CHD8: variants seen among roughly 807,000 people sequenced by gnomAD.
CHD8 encodes the protein ATP-dependent chromatin remodeler CHD8.
CHD8 carries 31 observed loss-of-function variants against 279.2 expected under a neutral mutation model. That is an observed-to-expected ratio of 0.11 (90% CI 0.08 to 0.15). The LOEUF (loss-of-function observed/expected upper bound fraction) is 0.15. Ranked by LOEUF, CHD8 falls within the 10% of genes least tolerant of loss-of-function variation. The pLI, the probability that CHD8 is intolerant of heterozygous loss-of-function variation, is 1.00. For synonymous variants in CHD8, 1,081 were observed against 1,139.6 expected, an observed-to-expected ratio of 0.95 and a Z score of 1.04; for missense variants, 2,146 against 3,230.5, an observed-to-expected ratio of 0.66 and a Z score of 8.14.
Position 21,386,135 on chromosome 14 carries a change from C to T in CHD8, c.7224G>A (p.Gly2408=). The T allele has an allele frequency of 6.4e-7, 1 of 1,552,772 alleles. No individual in the cohort carries two copies. Among genetic ancestry groups the T allele is most frequent in the African/African-American group, 1.4e-5 (1 of 73,176 alleles). ...TCTTGCTGCTCTCTGGTGCAATAGG[C>T]CCTGGCAAAACCCGGTTGAACACCG... ...TETVFNRVLP[G]PIAPESSKKR... The change falls in exon 38 of 38, where the codon GGG becomes GGA. Residue 2408 remains glycine (G), a synonymous_variant. Coordinates refer to ENST00000646647, the MANE Select transcript of CHD8 (RefSeq NM_001170629.2).
In CHD8 at chr14:21,393,765, C is replaced by T; in HGVS notation, c.6030G>A (p.Glu2010=). The change falls in exon 32 of 38, where the codon GAG becomes GAA. Residue 2010 remains glutamate, a synonymous_variant. Transcript: ENST00000646647. ...GACTGGGGACCTGGGTAGCTGTCTC[C>T]TCGGGTGACTTTTCAACAGGAGCAT... The part of the protein sequence containing the change: ...RPDAPVEKSP[E]ETATQVPSLE... 1.2e-6 allele frequency: 2 copies of T among 1,613,924 alleles called. No individual in the cohort carries two copies. Among genetic ancestry groups the T allele is most frequent in the Non-Finnish European group, 1.7e-6 (2 of 1,179,866 alleles).
intron 4 of CHD8, 43 bp from the exon 5 acceptor site, chr14:21,426,285 A>T: frequency 4.0e-6 from 4 of 1,010,384 alleles, no homozygotes; most frequent in Non-Finnish European, 6.0e-6. Context: ...AAAGCAAAGA[A>T]AATTTAGGAG....
chr14:21,408,704 C>G lies in CHD8; in HGVS notation c.2486G>C (p.Arg829Thr). 1 of 1,610,242 alleles carries G rather than the reference C, an allele frequency of 6.2e-7. No homozygotes were observed. Among genetic ancestry groups the G allele is most frequent in the Non-Finnish European group, 8.5e-7 (1 of 1,178,070 alleles). ...TCTTATGGCCCATTCTTTCCTTTACCTGTTATACCAATTAAAGAGCAGCCA... is the reference window on the plus strand; with the variant it reads ...TCTTATGGCCCATTCTTTCCTTTACGTGTTATACCAATTAAAGAGCAGCCA... ...VNWLLFNWYN[R>T]QNCILADEMG... Residue 829 changes from arginine (R) to threonine (T), a missense_variant and splice_region_variant, in exon 12 of 38, where the codon AGG becomes ACG. By Grantham distance (71) the Arg-to-Thr change is moderately conservative (BLOSUM62 -1). Coordinates refer to ENST00000646647, the MANE Select transcript of CHD8 (RefSeq NM_001170629.2). This position sits in a 1 kb window ranked among gnomAD's most constrained non-coding sequence, Gnocchi z 4.3.
At position 21,400,880 on chromosome 14, in the gene CHD8, T is replaced by C. The variant is rs202038154; in HGVS notation, c.4365A>G (p.Val1455=). 6.8e-6 allele frequency: 11 copies of C among 1,609,584 alleles called. No individual in the cohort carries two copies. The African/African-American group carries it at 1.1e-4, about 16-fold the overall frequency. The stretch of plus-strand genomic sequence containing the variant: ...ATGGTAAGTTGGGGTCTTACCCATA[T>C]ACCAGGAGATGCTTTTCCACCCGAA... ...DCFRVEKHLL[V]YGWGRWRDIL... is the part of the protein sequence containing the mutation. The change falls in exon 22 of 38, where the codon GTA becomes GTG. Residue 1455 remains valine, a synonymous_variant. Coordinates refer to ENST00000646647, the MANE Select transcript of CHD8 (RefSeq NM_001170629.2). This position sits in a 1 kb window ranked among gnomAD's most constrained non-coding sequence, Gnocchi z 4.2.
chr14:21,387,888 T>G (rs992347541), intron 37 of CHD8, among the ~76,000 whole-genome samples: 4 of 151,422 alleles, frequency 2.6e-5, no homozygotes, highest in African/African-American at 9.7e-5. Context: ...TTCTTAAGAG[T>G]TTCAGTTGAC....
chr14:21,408,396 T>G lies in CHD8; in HGVS notation c.2646A>C (p.Thr882=), dbSNP rs200953445. 2.2e-4 allele frequency: 354 copies of G among 1,613,916 alleles called. No individual in the cohort carries two copies. Among genetic ancestry groups the G allele is most frequent in the Non-Finnish European group, 2.7e-4 (316 of 1,179,900 alleles). ...TNWEREFNTW[T]EMNTIVYHGS... is the part of the protein sequence containing the mutation. The stretch of plus-strand genomic sequence containing the variant: ...CATGGTACACAATAGTGTTCATTTC[T>G]GTCCATGTATTAAATTCTCGCTCCC... Residue 882 remains threonine (T), a synonymous_variant, in exon 13 of 38, where the codon ACA becomes ACC. Coordinates refer to ENST00000646647, the MANE Select transcript of CHD8 (RefSeq NM_001170629.2). The surrounding 1 kb of genome is among the most constrained non-coding windows in gnomAD (Gnocchi z 4.3).
At position 21,394,897 on chromosome 14, in the gene CHD8, C is replaced by A. The variant is rs992178574; in HGVS notation, c.5390+15G>T. On this transcript the variant is annotated intron_variant, in intron 30 of 37. Transcript: ENST00000646647. ...TGAAAACACAGATCAGCACAAGTTC[C>A]CAGCTATATTTTACCGTTGTTGTTT... The A allele has an allele frequency of 6.2e-7, 1 of 1,612,058 alleles. No individual in the cohort carries two copies. The highest frequency in any genetic ancestry group is 1.3e-5 in the African/African-American group (1 of 74,866).
rs765025620 is a variant in CHD8 at position 21,403,582 on chromosome 14, C to T, written c.3389G>A (p.Arg1130His). ...PHDFHLQAMVRSAGKLVLIDK... is the reference protein window; with the variant it reads ...PHDFHLQAMVHSAGKLVLIDK... ...AATAAGAACCAGTTTGCCGGCTGAA[C>T]GAACCATGGCCTGCAGGTGAAAGTC... Residue 1130 changes from arginine to histidine, a missense_variant, in exon 17 of 38, where the codon CGT becomes CAT. Around this residue, in one of 26 missense-constraint regions of CHD8, gnomAD observed 48 missense variants for 135.7 expected, o/e 0.35. Transcript: ENST00000646647. The surrounding 1 kb of genome is among the most constrained non-coding windows in gnomAD (Gnocchi z 4.3). 6.2e-6 allele frequency: 10 copies of T among 1,612,190 alleles called. No homozygotes were observed. The highest frequency in any genetic ancestry group is 2.7e-5 in the African/African-American group (2 of 74,906).
intron 1 of CHD8, among the ~76,000 whole-genome samples, chr14:21,438,257 C>A (rs1889863517): frequency 6.6e-6 from 1 of 152,088 alleles, no homozygotes; most frequent in Non-Finnish European, 1.5e-5. Flanking sequence ...GACAGGGTTT[C>A]ACTATGTTGG....
chr14:21,438,340 C>T (rs544272990), intron 1 of CHD8, among the ~76,000 whole-genome samples: 21 of 151,582 alleles, frequency 1.4e-4, no homozygotes, highest in South Asian at 4.2e-4. Flanking sequence ...GGATTACAGG[C>T]GTGAGCCATC....
chr14:21,441,616 T>C (rs2149746), intron 1 of CHD8, among the ~76,000 whole-genome samples: 4,576 of 151,700 alleles, frequency 0.03, 143 homozygotes, highest in African/African-American at 0.077. Context: ...GAGCTGGGCG[T>C]GGTGGCTCAT....
In CHD8 at chr14:21,399,475, T is replaced by G. The variant is rs541074520; in HGVS notation, c.4921+127A>C. 10 of 690,998 alleles carry G rather than the reference T, an allele frequency of 1.4e-5. No homozygotes were observed. In the African/African-American group the frequency reaches 1.8e-4, roughly 12 times the overall value. 42.8% of individuals were successfully genotyped at this position (690,998 alleles called of 1,614,324 possible). The stretch of plus-strand genomic sequence containing the variant: ...CTGCTCTGGATATTTAAGAACTACT[T>G]TCCTACTCAAATTTATTGAAGATCA... On this transcript the variant is annotated intron_variant, in intron 26 of 37. Coordinates refer to ENST00000646647, the MANE Select transcript of CHD8 (RefSeq NM_001170629.2).
chr14:21,402,178 T>C lies in CHD8; in HGVS notation c.3883-42A>G, dbSNP rs1191303185. On this transcript the variant is annotated intron_variant, in intron 19 of 37. Transcript: ENST00000646647. This position sits in a 1 kb window ranked among gnomAD's most constrained non-coding sequence, Gnocchi z 4.5. ...AAAGATGAAAAGACTATCAAGAGAA[T>C]AATATCTAACCATGCCATAATATTT... 1.3e-5 allele frequency: 19 copies of C among 1,509,200 alleles called. No homozygotes were observed. The highest frequency in any genetic ancestry group is 9.7e-5 in the South Asian group (8 of 82,314). The allele number at this position is 1,509,200 out of a possible 1,614,324, so 93.5% of individuals were successfully genotyped here.
intron 1 of CHD8, among the ~76,000 whole-genome samples, chr14:21,444,266 T>C (rs1445273913): frequency 6.6e-6 from 1 of 152,168 alleles, no homozygotes; most frequent in Admixed American, 6.5e-5. Context: ...TTGGATAAAT[T>C]GGAAAAAAAA....
At chr14:21,440,812 C>T (rs541298758) in intron 1 of CHD8, among the ~76,000 whole-genome samples, 6 of 152,232 alleles carry the variant, frequency 3.9e-5, no homozygotes, top group South Asian at 2.1e-4. Context: ...CATGGAATAA[C>T]GTAATCAGAA....
chr14:21,437,246 A>C, intron 1 of CHD8: 1 of 1,170,304 alleles, frequency 8.5e-7, no homozygotes, highest in Admixed American at 3.8e-5. Context: ...CTCCAGCACC[A>C]GTTCCCCCTC....
chr14:21,405,975 A>G lies in CHD8; in HGVS notation c.2908-111T>C. On this transcript the variant is annotated intron_variant, in intron 14 of 37. Transcript: ENST00000646647. This position sits in a 1 kb window ranked among gnomAD's most constrained non-coding sequence, Gnocchi z 4.2. ...TATAACCTTTAATTTCTTTATCTATAAAATGATGAGAATGGACCAGTGATC... is the reference window on the plus strand; with the variant it reads ...TATAACCTTTAATTTCTTTATCTATGAAATGATGAGAATGGACCAGTGATC... 1.2e-6 allele frequency: 1 copy of G among 807,486 alleles called. No individual in the cohort carries two copies. Among genetic ancestry groups the G allele is most frequent in the Non-Finnish European group, 1.8e-6 (1 of 547,922 alleles). The allele number at this position is 807,486 out of a possible 1,614,324, so 50.0% of individuals were successfully genotyped here.
rs1887205537 is a variant in CHD8 at position 21,385,911 on chromosome 14, G to A, written c.7448C>T (p.Ser2483Phe). The A allele has an allele frequency of 1.9e-6, 3 of 1,552,334 alleles. No homozygotes were observed. Among genetic ancestry groups the A allele is most frequent in the Admixed American group, 2.0e-5 (1 of 51,022 alleles). ...CATGGTGCTGGAGTCTACATGAGGG[G>A]ATGATGGTGCACCACCCATCACAAA... ...MPFVMGGAPS[S>F]PHVDSSTMLH... The change falls in exon 38 of 38, where the codon TCC (serine) becomes TTC (phenylalanine). Residue 2483 changes from serine (S) to phenylalanine (F), a missense_variant. Ser to Phe is a radical substitution (Grantham distance 155, BLOSUM62 -2). This residue lies in a region of CHD8 where 336 missense variants were observed against 392.9 expected (regional missense o/e 0.86). Coordinates refer to ENST00000646647, the MANE Select transcript of CHD8 (RefSeq NM_001170629.2).
chr14:21,447,715 C>CT (rs879794058), intron 1 of CHD8, among the ~76,000 whole-genome samples: 47 of 146,966 alleles, frequency 3.2e-4, no homozygotes, highest in Admixed American at 1.0e-3. Context: ...AGCATGGATT[C>CT]TTTTTTTTTT....
Sources: gnomAD v4.1 joint callset for allele counts (sites outside exome capture counted in the v4.1 genomes callset) on GRCh38, gnomAD v4.1.1 for gene constraint, gnomAD v4.1.1 regional missense constraint, Gnocchi (gnomAD v3.1) non-coding constraint, MANE v1.5 for transcripts, NCBI Gene and HGNC (gene_info 2026-07-23, HGNC 2026-07-21) for gene names.